The following SGCG variants were observed in gnomAD, a reference collection of about 807,000 sequenced individuals.
SGCG encodes gamma-sarcoglycan.
Under a neutral mutation model 29.3 loss-of-function variants are expected in SGCG, and 26 were observed. The ratio of observed to expected loss-of-function variants is 0.89; its 90% CI spans 0.65 to 1.23. The LOEUF (loss-of-function observed/expected upper bound fraction) is 1.23. SGCG is among the 50% of genes most tolerant of loss of function. SGCG has a pLI of 0.00. For missense variants in SGCG, 353 were observed against 356.0 expected (o/e 0.99, Z 0.07); for synonymous variants, 145 against 129.7 (o/e 1.12, Z -0.80).
chr13:23,299,343 G>C (rs1422732070), intron 6 of SGCG, among the ~76,000 whole-genome samples: 8 of 137,186 alleles, frequency 5.8e-5, no homozygotes, highest in Non-Finnish European at 1.1e-4. Flanking sequence ...TTTATTTCTG[G>C]TTCCAGCAGC....
chr13:23,175,718 A>G, the SGCG span, among the ~76,000 whole-genome samples: 1 of 152,146 alleles, frequency 6.6e-6, no homozygotes, highest in Admixed American at 6.5e-5. Flanking sequence ...TACTGAGTTC[A>G]ATTTTTATAA....
chr13:23,247,784 T>TA (rs56971660), intron 3 of SGCG, among the ~76,000 whole-genome samples: 19,850 of 132,732 alleles, frequency 0.15, 1,727 homozygotes, highest in East Asian at 0.39. Flanking sequence ...CATCTCTATT[T>TA]AAAAAAAAAA....
At chr13:23,166,534 GTC>G in the SGCG span, among the ~76,000 whole-genome samples, 1 of 152,114 alleles carries the variant, frequency 6.6e-6, no homozygotes, top group Non-Finnish European at 1.5e-5. Flanking sequence ...TTGTCTGTCT[GTC>G]TCTCAAATTT....
chr13:23,259,450 T>A (rs1880340384), intron 4 of SGCG, among the ~76,000 whole-genome samples: 1 of 152,162 alleles, frequency 6.6e-6, no homozygotes, highest in African/African-American at 2.4e-5. Flanking sequence ...TTTATTAGTG[T>A]TCCTAGCGGT....
At chr13:23,242,556 G>C (rs1171402504) in intron 3 of SGCG, among the ~76,000 whole-genome samples, 1 of 152,114 alleles carries the variant, frequency 6.6e-6, no homozygotes, top group Non-Finnish European at 1.5e-5. Flanking sequence ...CACAACAGCT[G>C]TATTCAAACA....
intron 4 of SGCG, among the ~76,000 whole-genome samples, chr13:23,260,416 C>T (rs1166876051): frequency 6.6e-6 from 1 of 152,034 alleles, no homozygotes; most frequent in African/African-American, 2.4e-5. Context: ...TCCTCTATCC[C>T]TTTATTTTGA....
chr13:23,324,410 C>A lies in SGCG; in HGVS notation c.745C>A (p.Gln249Lys). The change falls in exon 8 of 8, where the codon CAG becomes AAG. Residue 249 changes from glutamine to lysine, a missense_variant. Physicochemically the swap from Gln to Lys is moderately conservative, Grantham distance 53. Transcript: ENST00000218867. ...AACTGTGTGCTTACCCAAGCTGGTGCAGGGGACGTGGGGTCCCTCTGGCAG... is the reference window on the plus strand; with the variant it reads ...AACTGTGTGCTTACCCAAGCTGGTGAAGGGGACGTGGGGTCCCTCTGGCAG... ...AETVCLPKLV[Q>K]GTWGPSGSSQ... The A allele has an allele frequency of 1.2e-6, 2 of 1,614,164 alleles. No individual in the cohort carries two copies. Among genetic ancestry groups the A allele is most frequent in the Non-Finnish European group, 1.7e-6 (2 of 1,180,016 alleles).
At chr13:23,190,822 A>C (rs982773533) in intron 1 of SGCG, among the ~76,000 whole-genome samples, 1 of 152,228 alleles carries the variant, frequency 6.6e-6, no homozygotes, top group Non-Finnish European at 1.5e-5. Flanking sequence ...AGGACTTTGA[A>C]GAGAACTATT....
chr13:23,239,759 G>A (rs1181090320), intron 3 of SGCG, among the ~76,000 whole-genome samples: 3 of 152,096 alleles, frequency 2.0e-5, no homozygotes, highest in Non-Finnish European at 2.9e-5. Flanking sequence ...AAAAATTATT[G>A]AGGATGGACC....
intron 4 of SGCG, among the ~76,000 whole-genome samples, chr13:23,252,458 G>A (rs148751668): frequency 0.078 from 11,940 of 152,194 alleles, 628 homozygotes; most frequent in Non-Finnish European, 0.12. Flanking sequence ...TTGGGAGGCC[G>A]AGGTGGGTGG....
intron 5 of SGCG, among the ~76,000 whole-genome samples, chr13:23,285,467 C>T (rs1881462139): frequency 6.6e-6 from 1 of 152,200 alleles, no homozygotes; most frequent in Admixed American, 6.5e-5. Flanking sequence ...CCTCACCAAG[C>T]CCAAGTGTCC....
intron 1 of SGCG, among the ~76,000 whole-genome samples, chr13:23,183,977 C>T (rs548306819): frequency 1.8e-4 from 27 of 152,290 alleles, no homozygotes; most frequent in Middle Eastern, 3.4e-3. Flanking sequence ...ACATAAAATA[C>T]TCTAAAATGT....
At chr13:23,291,046 A>T (rs1881686261) in intron 5 of SGCG, among the ~76,000 whole-genome samples, 2 of 152,166 alleles carry the variant, frequency 1.3e-5, no homozygotes, top group African/African-American at 4.8e-5. Context: ...TCATCATATA[A>T]TGCTCTAGGA....
At chr13:23,230,455 T>C (rs906620262) in intron 2 of SGCG, among the ~76,000 whole-genome samples, 8 of 152,228 alleles carry the variant, frequency 5.3e-5, no homozygotes, top group Non-Finnish European at 2.9e-5. Context: ...ATCTCTGATG[T>C]CTTTGAGCAG....
chr13:23,321,980 C>CTAGAAGAAAA (rs1883058172), intron 7 of SGCG, among the ~76,000 whole-genome samples: 2 of 151,942 alleles, frequency 1.3e-5, no homozygotes, highest in Admixed American at 6.6e-5. Context: ...CCTAAATGGT[C>CTAGAAGAAAA]TAGAAGAAAA....
At chr13:23,241,979 A>G (rs955383024) in intron 3 of SGCG, among the ~76,000 whole-genome samples, 10 of 152,212 alleles carry the variant, frequency 6.6e-5, no homozygotes, top group African/African-American at 2.4e-4. Context: ...AAATTAATGA[A>G]ACCAAAAATG....
At chr13:23,276,431 C>CTTTTTT (rs71100165) in intron 4 of SGCG, among the ~76,000 whole-genome samples, 7,589 of 102,166 alleles carry the variant, frequency 0.074, 1,045 homozygotes, top group South Asian at 0.1. Context: ...TTTTAGTTTT[C>CTTTTTT]TTTTTTTTTT....
At chr13:23,243,430 C>T (rs1593193063) in intron 3 of SGCG, 3 of 152,310 alleles carry the variant, frequency 2.0e-5, no homozygotes, top group Admixed American at 6.5e-5. Context: ...CTCTGCAGAT[C>T]TCAGCTTATC....
chr13:23,208,429 A>G (rs1593173529), intron 2 of SGCG, among the ~76,000 whole-genome samples: 1 of 152,208 alleles, frequency 6.6e-6, no homozygotes, highest in East Asian at 1.9e-4. Flanking sequence ...CGAGAAAGCC[A>G]GTAAAACATC....
Sources: allele counts gnomAD v4.1 joint callset (sites outside exome capture counted in the v4.1 genomes callset), GRCh38; gene constraint gnomAD v4.1.1; transcripts MANE v1.5; gene names NCBI Gene and HGNC (gene_info 2026-07-23, HGNC 2026-07-21).